The following TM9SF2 variants were observed in gnomAD, a reference collection of about 807,000 sequenced individuals.
TM9SF2 encodes transmembrane 9 superfamily member 2.
Under a neutral mutation model 84.9 loss-of-function variants are expected in TM9SF2, and 13 were observed. The ratio of observed to expected loss-of-function variants is 0.15; its 90% CI spans 0.10 to 0.24. The LOEUF is 0.24. Among genes scored for constraint, TM9SF2 ranks in the 10% least tolerant of loss-of-function variants. TM9SF2 has a pLI of 1.00. For synonymous variants in TM9SF2, 273 were observed against 285.8 expected (o/e 0.96, Z 0.45); for missense variants, 562 against 818.5 (o/e 0.69, Z 3.82).
intron 3 of TM9SF2, among the ~76,000 whole-genome samples, chr13:99,524,606 T>C (rs1467946592): frequency 1.3e-5 from 2 of 151,908 alleles, no homozygotes; most frequent in Non-Finnish European, 2.9e-5. Context: ...AGATGGTATT[T>C]ACAGCCACAG....
At chr13:99,512,546 G>A (rs2046117899) in intron 1 of TM9SF2, among the ~76,000 whole-genome samples, 1 of 152,172 alleles carries the variant, frequency 6.6e-6, no homozygotes, top group Non-Finnish European at 1.5e-5. Flanking sequence ...GGAGGAAAGG[G>A]TGTGAAAACC....
At chr13:99,547,130 G>GTC in intron 11 of TM9SF2, 26 bp downstream of exon 11, 2 of 1,613,130 alleles carry the variant, frequency 1.2e-6, no homozygotes, top group South Asian at 2.2e-5. Context: ...TGTGACTGGC[G>GTC]TCTGATCAGG....
At chr13:99,528,583 G>A (rs1376615729) in intron 3 of TM9SF2, among the ~76,000 whole-genome samples, 2 of 152,148 alleles carry the variant, frequency 1.3e-5, no homozygotes, top group African/African-American at 4.8e-5. Context: ...TAAGTTTGGT[G>A]TCTGTGCTTC....
chr13:99,544,762 T>C (rs2046276041), intron 10 of TM9SF2, among the ~76,000 whole-genome samples: 2 of 152,176 alleles, frequency 1.3e-5, no homozygotes, highest in Admixed American at 1.3e-4. Flanking sequence ...CTCTCTCCTC[T>C]AGGGAAAGCG....
intron 3 of TM9SF2, among the ~76,000 whole-genome samples, chr13:99,523,203 T>TGGCTG (rs2046167860): frequency 6.6e-6 from 1 of 152,194 alleles, no homozygotes; most frequent in South Asian, 2.1e-4. Flanking sequence ...TCTCACGCTG[T>TGGCTG]GGCCTGGGCT....
chr13:99,554,229 A>G, intron 13 of TM9SF2, 75 bp from the exon 14 acceptor site: 1 of 1,526,284 alleles, frequency 6.6e-7, no homozygotes, highest in Non-Finnish European at 8.8e-7. Context: ...AAAAGCAGGC[A>G]AATAATCTCG....
rs773118608 is a variant in TM9SF2 at position 99,501,636 on chromosome 13, A to C, written c.30A>C (p.Pro10=). 2.5e-6 allele frequency: 4 copies of C among 1,610,596 alleles called. No homozygotes were observed. The highest frequency in any genetic ancestry group is 2.7e-5 in the African/African-American group (2 of 73,980). MSARLPVLS[P]PRWPRLLLLS... ...GCGCGAGGCTGCCGGTGTTGTCTCC[A>C]CCTCGGTGGCCGCGGCTGTTGCTGC... The change falls in exon 1 of 17, where the codon CCA becomes CCC. Residue 10 remains proline (P), a synonymous_variant. Transcript: ENST00000376387.
intron 4 of TM9SF2, among the ~76,000 whole-genome samples, chr13:99,529,939 G>C (rs936315417): frequency 6.6e-6 from 1 of 152,156 alleles, no homozygotes; most frequent in African/African-American, 2.4e-5. Flanking sequence ...ACACAATAAA[G>C]TGAGTCACAT....
chr13:99,535,147 G>A (rs1435529604), intron 4 of TM9SF2, among the ~76,000 whole-genome samples: 1 of 151,962 alleles, frequency 6.6e-6, no homozygotes, highest in Non-Finnish European at 1.5e-5. Flanking sequence ...GCAAGACCCT[G>A]TCTCGAGGGA....
intron 9 of TM9SF2, among the ~76,000 whole-genome samples, chr13:99,543,450 A>G (rs576999648): frequency 2.0e-5 from 3 of 152,228 alleles, no homozygotes; most frequent in Non-Finnish European, 4.4e-5. Context: ...TGCTTACTGT[A>G]TTAGCAAAGT....
At position 99,520,001 on chromosome 13, in the gene TM9SF2, T is replaced by G. The variant is rs185982655; in HGVS notation, c.240-35T>G. The G allele has an allele frequency of 4.3e-5, 69 of 1,595,310 alleles. No individual in the cohort carries two copies. In the African/African-American group the frequency reaches 8.9e-4, roughly 21 times the overall value. On this transcript the variant is annotated intron_variant, in intron 2 of 16. Coordinates refer to ENST00000376387, the MANE Select transcript of TM9SF2 (RefSeq NM_004800.3). ...AGGTGTTTGATATTTCATCGTTCCC[T>G]TTTATGTGTAAAAATTTAAATATTC...
intron 11 of TM9SF2, among the ~76,000 whole-genome samples, chr13:99,548,464 T>C (rs922023868): frequency 6.6e-6 from 1 of 152,204 alleles, no homozygotes; most frequent in Non-Finnish European, 1.5e-5. Context: ...TTTTTAAAAA[T>C]CACAGCTGTT....
chr13:99,520,387 A>T (rs1398168338), intron 3 of TM9SF2, among the ~76,000 whole-genome samples: 2 of 152,152 alleles, frequency 1.3e-5, no homozygotes, highest in African/African-American at 4.8e-5. Context: ...CAGGGCTCAG[A>T]TGCTCTGCCT....
intron 1 of TM9SF2, among the ~76,000 whole-genome samples, chr13:99,510,842 T>C (rs1361157463): frequency 6.6e-6 from 1 of 152,254 alleles, no homozygotes; most frequent in African/African-American, 2.4e-5. Context: ...CAAGTGTTCA[T>C]GAATTTGTAT....
chr13:99,542,224 G>A (rs2139099556), intron 9 of TM9SF2, among the ~76,000 whole-genome samples: 1 of 152,120 alleles, frequency 6.6e-6, no homozygotes, highest in Non-Finnish European at 1.5e-5. Context: ...TCCTGTGTGG[G>A]AATGGACTGG....
intron 1 of TM9SF2, among the ~76,000 whole-genome samples, chr13:99,513,142 C>T (rs772737033): frequency 3.3e-5 from 5 of 152,124 alleles, no homozygotes; most frequent in Admixed American, 6.5e-5. Flanking sequence ...AAAGAACTGT[C>T]CATGAAGAAT....
At chr13:99,521,323 C>T (rs1449155000) in intron 3 of TM9SF2, among the ~76,000 whole-genome samples, 7 of 152,262 alleles carry the variant, frequency 4.6e-5, no homozygotes, top group East Asian at 1.9e-4. Context: ...TTTCCTTTAA[C>T]TCTCTACCAT....
At chr13:99,505,037 CA>C (rs1159411592) in intron 1 of TM9SF2, among the ~76,000 whole-genome samples, 2 of 152,094 alleles carry the variant, frequency 1.3e-5, no homozygotes, top group African/African-American at 4.8e-5. Flanking sequence ...TTAGTATTGC[CA>C]GATTTCTTTC....
intron 10 of TM9SF2, among the ~76,000 whole-genome samples, chr13:99,544,523 T>C (rs1220779794): frequency 6.6e-6 from 1 of 152,192 alleles, no homozygotes; most frequent in Non-Finnish European, 1.5e-5. Flanking sequence ...AGGGAGGCAC[T>C]GGGCTGGAGA....
Sources: gnomAD v4.1 joint callset for allele counts (sites outside exome capture counted in the v4.1 genomes callset) on GRCh38, gnomAD v4.1.1 for gene constraint, MANE v1.5 for transcripts, NCBI Gene and HGNC (gene_info 2026-07-23, HGNC 2026-07-21) for gene names.